ZNF426: variants seen among roughly 807,000 people sequenced by gnomAD.
ZNF426 encodes the protein CTC-543D15.7.
In ZNF426, 23 loss-of-function variants were observed where a neutral mutation model predicts 24.0. The observed-to-expected ratio is 0.96, with a 90% confidence interval of 0.69 to 1.36. ZNF426 has a LOEUF of 1.36. Among genes scored for constraint, ZNF426 ranks in the 40% most tolerant of loss-of-function variants. The probability of loss-of-function intolerance (pLI) is 0.00; values close to 1 mark genes in which losing one functional copy is unlikely to be tolerated. For missense variants in ZNF426, 646 were observed against 658.4 expected (o/e 0.98, Z 0.21); for synonymous variants, 272 against 224.6 (o/e 1.21, Z -1.89).
Position 9,528,455 on chromosome 19 carries a change from T to C in ZNF426, c.1590A>G (p.Lys530=), listed in dbSNP as rs1176065230. 1 of 1,613,884 alleles carries C rather than the reference T, an allele frequency of 6.2e-7. No homozygotes were observed. The highest frequency in any genetic ancestry group is 2.2e-5 in the East Asian group (1 of 44,874). ...RIHEKTHTEE[K]PYKCQQCGKA... ...TCCCGCATTGCTGACATTTATAGGG[T>C]TTCTCTTCTGTGTGAGTTTTTTCAT... Residue 530 remains lysine, a synonymous_variant, in exon 8 of 8, where the codon AAA becomes AAG. Coordinates refer to ENST00000253115, the MANE Select transcript of ZNF426 (RefSeq NM_024106.3).
Position 9,529,150 on chromosome 19 carries a change from T to C in ZNF426, c.895A>G (p.Met299Val). Residue 299 changes from methionine (M) to valine (V), a missense_variant, in exon 8 of 8, where the codon ATG (methionine) becomes GTG (valine). Met to Val is a conservative substitution (Grantham distance 21). Transcript: ENST00000253115. The stretch of plus-strand genomic sequence containing the variant: ...GGTTTCTCCCCAGTGTGGGTTCGCA[T>C]GTGAATACTGAGGTAGGCTGGGTAT... ...YRYPAYLSIH[M>V]RTHTGEKPYE... The C allele has an allele frequency of 1.2e-6, 2 of 1,614,226 alleles. No homozygotes were observed. The highest frequency in any genetic ancestry group is 1.7e-6 in the Non-Finnish European group (2 of 1,180,044).
chr19:9,530,827 GA>G (rs2073871987), intron 7 of ZNF426, among the ~76,000 whole-genome samples, 157 bp downstream of exon 7: 1 of 152,172 alleles, frequency 6.6e-6, no homozygotes, highest in African/African-American at 2.4e-5. Context: ...AAGCTCCAAA[GA>G]AACAAGTTTC....
At chr19:9,535,308 C>A in intron 3 of ZNF426, 29 bp from the exon 4 acceptor site, 1 of 1,561,082 alleles carries the variant, frequency 6.4e-7, no homozygotes, top group Non-Finnish European at 8.8e-7. Flanking sequence ...AAGAGAACCC[C>A]GAGCTGACCA....
chr19:9,532,800 T>C, intron 6 of ZNF426, 45 bp downstream of exon 6: 2 of 1,447,236 alleles, frequency 1.4e-6, no homozygotes, highest in East Asian at 2.3e-5. Context: ...CTTTCAAACA[T>C]ACTGAACTTC....
At chr19:9,532,993 G>T in intron 5 of ZNF426, 68 bp from the exon 6 acceptor site, 2 of 1,297,730 alleles carry the variant, frequency 1.5e-6, no homozygotes, top group Non-Finnish European at 2.2e-6. Flanking sequence ...CTGTGATTCA[G>T]GAACTACAGA....
At chr19:9,532,496 G>C (rs1295959174) in intron 6 of ZNF426, among the ~76,000 whole-genome samples, 1 of 151,702 alleles carries the variant, frequency 6.6e-6, no homozygotes, top group Non-Finnish European at 1.5e-5. Flanking sequence ...AAGGTTCTCG[G>C]TATGTTGCCC....
At chr19:9,537,981 TG>T (rs1225306013) in intron 2 of ZNF426, among the ~76,000 whole-genome samples, 1 of 152,212 alleles carries the variant, frequency 6.6e-6, no homozygotes, top group Non-Finnish European at 1.5e-5. Context: ...GAAGCTCTCT[TG>T]GGATGTACAG....
In ZNF426 at chr19:9,529,136, A is replaced by G; in HGVS notation, c.909T>C (p.Thr303=). Residue 303 remains threonine (T), a synonymous_variant, in exon 8 of 8, where the codon ACT becomes ACC. Transcript: ENST00000253115. Reference sequence around the variant, plus strand: ...CCTTACATTCATATGGTTTCTCCCCAGTGTGGGTTCGCATGTGAATACTGA... The same window carrying G: ...CCTTACATTCATATGGTTTCTCCCCGGTGTGGGTTCGCATGTGAATACTGA... The part of the protein sequence containing the change: ...AYLSIHMRTH[T]GEKPYECKEC... The G allele has an allele frequency of 1.9e-6, 3 of 1,614,226 alleles. No individual in the cohort carries two copies. Among genetic ancestry groups the G allele is most frequent in the Admixed American group, 1.7e-5 (1 of 60,028 alleles).
intron 4 of ZNF426, among the ~76,000 whole-genome samples, chr19:9,534,742 G>A (rs979088675): frequency 6.6e-6 from 1 of 152,108 alleles, no homozygotes; most frequent in Admixed American, 6.5e-5. Context: ...GTCCAGTCAT[G>A]TACCACTTTG....
intron 6 of ZNF426, 25 bp from the exon 7 acceptor site, chr19:9,531,092 A>T (rs757230001): frequency 1.3e-6 from 2 of 1,590,730 alleles, no homozygotes; most frequent in South Asian, 1.1e-5. Context: ...ACAAACAAAT[A>T]AAAGGACTCA....
Position 9,526,443 on chromosome 19 carries a change from A to G in ZNF426, c.*1937T>C, listed in dbSNP as rs2073792675. The G allele has an allele frequency of 6.6e-6, 1 of 152,110 alleles. No individual in the cohort carries two copies. Among genetic ancestry groups the G allele is most frequent in the Non-Finnish European group, 1.5e-5 (1 of 68,026 alleles). 9.4% of individuals were successfully genotyped at this position (152,110 alleles called of 1,614,324 possible). On this transcript the variant is annotated 3_prime_UTR_variant, in exon 8 of 8. Transcript: ENST00000253115. Reference sequence around the variant, plus strand: ...AGAGATGGAAATTCTAAGAACCACAAAGAAATGCTAGAAATTGAAGACAGT... The same window carrying G: ...AGAGATGGAAATTCTAAGAACCACAGAGAAATGCTAGAAATTGAAGACAGT...
At position 9,528,503 on chromosome 19, in the gene ZNF426, C is replaced by G; in HGVS notation, c.1542G>C (p.Thr514=). 6.2e-7 allele frequency: 1 copy of G among 1,614,006 alleles called. No homozygotes were observed. The highest frequency in any genetic ancestry group is 8.5e-7 in the Non-Finnish European group (1 of 1,179,984). The change falls in exon 8 of 8, where the codon ACG becomes ACC. Residue 514 remains threonine, a synonymous_variant. Transcript: ENST00000253115. ...CATGAATTCTAAAGGAACTGGAACACGTGAAGGCTTTCCCACACTCCTTGC... is the reference window on the plus strand; with the variant it reads ...CATGAATTCTAAAGGAACTGGAACAGGTGAAGGCTTTCCCACACTCCTTGC... ...YECKECGKAF[T]CSSSFRIHEK...
In ZNF426 at chr19:9,526,281, G is replaced by C. The variant is rs971761777; in HGVS notation, c.*2099C>G. 1.3e-5 allele frequency: 2 copies of C among 151,702 alleles called. No individual in the cohort carries two copies. The highest frequency in any genetic ancestry group is 4.8e-5 in the African/African-American group (2 of 41,266). The allele number at this position is 151,702 out of a possible 1,614,324, so 9.4% of individuals were successfully genotyped here. A position where few individuals can be genotyped will look rare whatever the true frequency, so the allele number is the denominator to read the frequency against. On this transcript the variant is annotated 3_prime_UTR_variant, in exon 8 of 8. Transcript: ENST00000253115. ...AGGCAAAAGTTAGTTTAAAGAGAAA[G>C]AGTAAGAACCAGAACCAGATATAGC...
chr19:9,529,425 C>T lies in ZNF426; in HGVS notation c.620G>A (p.Ser207Asn), dbSNP rs749082633. The T allele has an allele frequency of 1.3e-5, 21 of 1,613,572 alleles. No individual in the cohort carries two copies. Among genetic ancestry groups the T allele is most frequent in the Non-Finnish European group, 1.8e-5 (21 of 1,179,898 alleles). ...CTGGTATACAATATTTGGTGTCAGG[C>T]TGAAGATTTTTTCACTCTGATTAAA... ...SEFNQSEKIF[S>N]LTPNIVYQRT... Residue 207 changes from serine to asparagine, a missense_variant, in exon 8 of 8, where the codon AGC becomes AAC. Ser to Asn is a conservative substitution (Grantham distance 46). Coordinates refer to ENST00000253115, the MANE Select transcript of ZNF426 (RefSeq NM_024106.3).
intron 7 of ZNF426, among the ~76,000 whole-genome samples, chr19:9,529,948 C>T (rs55735824): frequency 0.03 from 4,576 of 152,108 alleles, 230 homozygotes; most frequent in African/African-American, 0.11. Flanking sequence ...TGGTGAAACC[C>T]TGTCTCTACT....
intron 4 of ZNF426, among the ~76,000 whole-genome samples, chr19:9,534,589 G>C (rs1299321171): frequency 6.6e-6 from 1 of 151,454 alleles, no homozygotes; most frequent in Non-Finnish European, 1.5e-5. Flanking sequence ...CAACTTAAAG[G>C]ACACTTTTTT....
At position 9,523,315 on chromosome 19, in the gene ZNF426, G is replaced by A. The variant is rs560970768; in HGVS notation, c.*5065C>T. On this transcript the variant is annotated 3_prime_UTR_variant, in exon 8 of 8. Transcript: ENST00000253115. Reference sequence around the variant, plus strand: ...ATAAGGATGATTTCCTCTATAATGAGCCTTAAAAGAAGGATCTCCTCCAGG... The same window carrying A: ...ATAAGGATGATTTCCTCTATAATGAACCTTAAAAGAAGGATCTCCTCCAGG... 1.4e-4 allele frequency: 21 copies of A among 151,318 alleles called. No individual in the cohort carries two copies. Among genetic ancestry groups the A allele is most frequent in the African/African-American group, 4.4e-4 (18 of 41,168 alleles). 9.4% of individuals were successfully genotyped at this position (151,318 alleles called of 1,614,324 possible).
At chr19:9,535,668 C>CA (rs34808010) in intron 3 of ZNF426, among the ~76,000 whole-genome samples, 3 of 143,436 alleles carry the variant, frequency 2.1e-5, no homozygotes, top group Non-Finnish European at 3.0e-5. Context: ...CCCATCTCTA[C>CA]AAAAAAATTT....
Position 9,523,507 on chromosome 19 carries a change from C to G in ZNF426, c.*4873G>C, listed in dbSNP as rs1403434611. 6.6e-6 allele frequency: 1 copy of G among 152,190 alleles called. No individual in the cohort carries two copies. The highest frequency in any genetic ancestry group is 1.5e-5 in the Non-Finnish European group (1 of 68,036). 9.4% of individuals were successfully genotyped at this position (152,190 alleles called of 1,614,324 possible). ...ATCACCTCTTTAAAAAACCACATCTCTAAATACCACCATTATCTTGAGGTC... is the reference window on the plus strand; with the variant it reads ...ATCACCTCTTTAAAAAACCACATCTGTAAATACCACCATTATCTTGAGGTC... On this transcript the variant is annotated 3_prime_UTR_variant, in exon 8 of 8. Coordinates refer to ENST00000253115, the MANE Select transcript of ZNF426 (RefSeq NM_024106.3).
Sources: gnomAD v4.1 joint callset for allele counts (sites outside exome capture counted in the v4.1 genomes callset) on GRCh38, gnomAD v4.1.1 for gene constraint, MANE v1.5 for transcripts, NCBI Gene and HGNC (gene_info 2026-07-23, HGNC 2026-07-21) for gene names.